WDR93: variants seen among roughly 807,000 people sequenced by gnomAD.
WDR93 encodes the protein WD repeat domain 93, also known as WD repeat-containing protein 93.
In WDR93, 73 loss-of-function variants were observed where a neutral mutation model predicts 82.9. The ratio of observed to expected loss-of-function variants is 0.88; its 90% CI spans 0.73 to 1.07. The LOEUF (loss-of-function observed/expected upper bound fraction) is 1.07. WDR93 is among the 50% of genes least tolerant of loss of function. The pLI is 0.00. For synonymous variants in WDR93, 283 were observed against 300.1 expected (o/e 0.94, Z 0.59); for missense variants, 738 against 826.0 (o/e 0.89, Z 1.31).
chr15:89,738,047 A>C lies in WDR93; in HGVS notation c.1772A>C (p.Tyr591Ser), dbSNP rs35365973. The C allele has an allele frequency of 0.045, 72,120 of 1,609,562 alleles. 1,863 individuals carry two copies. The highest frequency in any genetic ancestry group is 0.053 in the Non-Finnish European group (62,807 of 1,177,706). The change falls in exon 16 of 17, where the codon TAT becomes TCT. Residue 591 changes from tyrosine to serine, a missense_variant. Transcript: ENST00000268130. The stretch of plus-strand genomic sequence containing the variant: ...TGTTCTTGTCTCGTCACAGGAGACT[A>C]TTCACATGAAACTGCGTCCACCGAC... ...DHPCFLLRGDYSHETASTDDA... is the reference protein window; with the variant it reads ...DHPCFLLRGDSSHETASTDDA...
chr15:89,696,089 T>G (rs1378141557), intron 1 of WDR93, among the ~76,000 whole-genome samples: 2 of 152,130 alleles, frequency 1.3e-5, no homozygotes, highest in Non-Finnish European at 2.9e-5. Context: ...AGTGCTGAGA[T>G]TACAGACATG....
chr15:89,710,244 T>C (rs1432053388), intron 4 of WDR93, among the ~76,000 whole-genome samples: 1 of 152,102 alleles, frequency 6.6e-6, no homozygotes, highest in Non-Finnish European at 1.5e-5. Flanking sequence ...GGAACACTAA[T>C]CGGCAATAAT....
At chr15:89,703,456 G>A (rs1965571946) in intron 3 of WDR93, 1 of 388,130 alleles carries the variant, frequency 2.6e-6, no homozygotes, top group African/African-American at 2.0e-5. Context: ...CTTCAAACCA[G>A]GCAGTATGGC....
intron 7 of WDR93, among the ~76,000 whole-genome samples, chr15:89,718,938 T>A (rs960332706): frequency 1.5e-4 from 23 of 152,210 alleles, no homozygotes; most frequent in African/African-American, 5.3e-4. Context: ...GTTTTCTAGA[T>A]CTTTAGTGTG....
intron 1 of WDR93, among the ~76,000 whole-genome samples, chr15:89,696,064 G>A (rs1188854842): frequency 4.0e-5 from 6 of 151,846 alleles, no homozygotes; most frequent in African/African-American, 9.7e-5. Flanking sequence ...TGATTCACCC[G>A]CCTTGGCCCC....
intron 16 of WDR93, among the ~76,000 whole-genome samples, chr15:89,741,759 C>CT (rs1039667995): frequency 0.022 from 3,227 of 146,920 alleles, 118 homozygotes; most frequent in African/African-American, 0.075. Flanking sequence ...ATCTCCAATA[C>CT]TTTTTTTTTT....
intron 3 of WDR93, chr15:89,703,786 G>A (rs11073886): frequency 0.39 from 58,877 of 152,694 alleles, 11,895 homozygotes; most frequent in Non-Finnish European, 0.45. Context: ...GTGGCAGGCA[G>A]AGCGGAAAGT....
chr15:89,735,034 T>C (rs1218563825), intron 13 of WDR93, among the ~76,000 whole-genome samples: 3 of 151,364 alleles, frequency 2.0e-5, no homozygotes, highest in African/African-American at 4.9e-5. Context: ...CCTTCTTTCC[T>C]TTCTTTCTTT....
intron 4 of WDR93, among the ~76,000 whole-genome samples, chr15:89,707,098 C>CT (rs1479896352): frequency 2.0e-5 from 3 of 151,624 alleles, no homozygotes; most frequent in Admixed American, 1.3e-4. Context: ...AAAGATGTAA[C>CT]TTTTTTTTAA....
chr15:89,706,155 C>T (rs1170760295), intron 4 of WDR93, among the ~76,000 whole-genome samples: 2 of 152,150 alleles, frequency 1.3e-5, no homozygotes, highest in Non-Finnish European at 2.9e-5. Context: ...CACCCTCTAC[C>T]CTAGTTTGTT....
intron 13 of WDR93, among the ~76,000 whole-genome samples, chr15:89,733,910 G>C (rs985114135): frequency 3.3e-5 from 5 of 152,170 alleles, no homozygotes; most frequent in Non-Finnish European, 5.9e-5. Context: ...TTCTCCCACA[G>C]TAAACTTCCA....
At position 89,701,704 on chromosome 15, in the gene WDR93, C is replaced by A. The variant is rs75320339; in HGVS notation, c.-40-3C>A. 2.0e-4 allele frequency: 312 copies of A among 1,575,470 alleles called. 1 individual carries two copies. In the African/African-American group the frequency reaches 4.1e-3, roughly 21 times the overall value. ...GAATTCCTTTGTTTACTTCTCTTATCAGCTTTTCAGTTTCATAGAGGTTCC... is the reference window on the plus strand; with the variant it reads ...GAATTCCTTTGTTTACTTCTCTTATAAGCTTTTCAGTTTCATAGAGGTTCC... On this transcript the variant is annotated splice_region_variant and splice_polypyrimidine_tract_variant and intron_variant, in intron 1 of 16. Transcript: ENST00000268130.
intron 11 of WDR93, among the ~76,000 whole-genome samples, 156 bp from the exon 12 acceptor site, chr15:89,731,287 C>T (rs1241172148): frequency 6.6e-6 from 1 of 152,168 alleles, no homozygotes; most frequent in African/African-American, 2.4e-5. Flanking sequence ...GAGAATAGCA[C>T]TTCATAAAGA....
intron 1 of WDR93, among the ~76,000 whole-genome samples, chr15:89,695,813 CTTTTTTTTT>C (rs58664153): frequency 1.0e-5 from 1 of 99,312 alleles, no homozygotes; most frequent in Non-Finnish European, 1.9e-5. Context: ...TCATGCTGTC[CTTTTTTTTT>C]TTTTTTTTTT....
chr15:89,743,229 TG>T, intron 16 of WDR93, 62 bp from the exon 17 acceptor site: 1 of 1,566,600 alleles, frequency 6.4e-7, no homozygotes, highest in Non-Finnish European at 8.8e-7. Flanking sequence ...AGGTCTGCCC[TG>T]GGGGCTCGGG....
chr15:89,706,568 T>C (rs1965737803), intron 4 of WDR93, among the ~76,000 whole-genome samples: 2 of 151,884 alleles, frequency 1.3e-5, no homozygotes, highest in African/African-American at 2.4e-5. Flanking sequence ...GAAAAACAAA[T>C]ATGGAAAAAT....
In WDR93 at chr15:89,733,023, G is replaced by A. The variant is rs747786194; in HGVS notation, c.1348G>A (p.Ala450Thr). 10 of 1,613,974 alleles carry A rather than the reference G, an allele frequency of 6.2e-6. No individual in the cohort carries two copies. The highest frequency in any genetic ancestry group is 1.1e-5 in the South Asian group (1 of 91,078). The change falls in exon 13 of 17, where the codon GCT becomes ACT. Residue 450 changes from alanine (A) to threonine (T), a missense_variant. Ala to Thr is a moderately conservative substitution (Grantham distance 58). Transcript: ENST00000268130. ...TTCTCTAGGATTCCCTCTTGGGGTC[G>A]CTGCTCTTCCTCAGGGATGTTTCTG... ...DLAKGFPLGV[A>T]ALPQGCFCQS...
rs1266015631 is a variant in WDR93 at position 89,738,189 on chromosome 15, C to T, written c.1914C>T (p.Pro638=). ...PQRDLDNMAF[P]QALPLEKRCE... ...GGGACTTGGATAACATGGCCTTCCC[C>T]CAAGCACTGCCACTGGAGAAGAGAT... The change falls in exon 16 of 17, where the codon CCC becomes CCT. Residue 638 remains proline, a synonymous_variant. Coordinates refer to ENST00000268130, the MANE Select transcript of WDR93 (RefSeq NM_020212.2). The T allele has an allele frequency of 1.2e-6, 2 of 1,613,770 alleles. No homozygotes were observed. The highest frequency in any genetic ancestry group is 1.7e-5 in the Admixed American group (1 of 59,952).
chr15:89,719,599 T>G (rs1281081069), intron 7 of WDR93: 1 of 152,174 alleles, frequency 6.6e-6, no homozygotes, highest in Non-Finnish European at 1.5e-5. Context: ...GTGTCTTCTC[T>G]CTTTTTTTCT....
Sources: gnomAD v4.1 joint callset for allele counts (sites outside exome capture counted in the v4.1 genomes callset) on GRCh38, gnomAD v4.1.1 for gene constraint, MANE v1.5 for transcripts, NCBI Gene and HGNC (gene_info 2026-07-23, HGNC 2026-07-21) for gene names.